The following ALS2 variants were observed in gnomAD, a reference collection of about 807,000 sequenced individuals.
ALS2 encodes alsin.
ALS2 carries 117 observed loss-of-function variants against 203.4 expected under a neutral mutation model. The ratio of observed to expected loss-of-function variants is 0.58; its 90% CI spans 0.50 to 0.67. The LOEUF (loss-of-function observed/expected upper bound fraction) is 0.67, where lower values mean the gene tolerates loss of function less well. Ranked by LOEUF, ALS2 falls within the 30% of genes least tolerant of loss-of-function variation. The probability of loss-of-function intolerance (pLI) is 0.00; values close to 1 mark genes in which losing one functional copy is unlikely to be tolerated. For missense variants in ALS2, 1,715 were observed against 1,989.4 expected, an observed-to-expected ratio of 0.86 and a Z score of 2.62; for synonymous variants, 718 against 725.9, an observed-to-expected ratio of 0.99 and a Z score of 0.17.
At chr2:201,757,847 C>T (rs907520505) in intron 4 of ALS2, 88 bp from the exon 5 acceptor site, 4 of 1,012,756 alleles carry the variant, frequency 3.9e-6, no homozygotes, top group African/African-American at 3.3e-5. Flanking sequence ...ATATCCATCG[C>T]TATTTGCATG....
At chr2:201,710,170 T>C in intron 26 of ALS2, 132 bp from the exon 27 acceptor site, 1 of 980,764 alleles carries the variant, frequency 1.0e-6, no homozygotes, top group Non-Finnish European at 1.5e-6. Context: ...ACCAGGAATA[T>C]TCAAATACTT....
At chr2:201,767,424 C>T in intron 2 of ALS2, 41 bp from the exon 3 acceptor site, 1 of 1,600,210 alleles carries the variant, frequency 6.2e-7, no homozygotes, top group South Asian at 1.1e-5. Context: ...TTCTACAATT[C>T]AGAACAGTAT....
intron 16 of ALS2, 141 bp downstream of exon 16, chr2:201,727,564 C>A: frequency 1.3e-6 from 1 of 769,844 alleles, no homozygotes; most frequent in Non-Finnish European, 2.2e-6. Flanking sequence ...ACTTTACTGT[C>A]TAATGTGCTG....
At chr2:201,734,424 G>A (rs1441061505) in intron 12 of ALS2, among the ~76,000 whole-genome samples, 1 of 150,898 alleles carries the variant, frequency 6.6e-6, no homozygotes, top group Non-Finnish European at 1.5e-5. Context: ...GTAGTGAGCC[G>A]TGGTTGTGCC....
intron 20 of ALS2, 116 bp from the exon 21 acceptor site, chr2:201,724,575 G>T: frequency 1.9e-6 from 2 of 1,067,850 alleles, no homozygotes; most frequent in Non-Finnish European, 2.8e-6. Flanking sequence ...ATAATTATTT[G>T]TTTATATGAT....
At chr2:201,772,583 TATATA>T (rs902134413) in intron 1 of ALS2, among the ~76,000 whole-genome samples, 1 of 152,192 alleles carries the variant, frequency 6.6e-6, no homozygotes, top group African/African-American at 2.4e-5. Flanking sequence ...CAGGAAGTGT[TATATA>T]ATATATAGTT....
chr2:201,726,484 C>T lies in ALS2; in HGVS notation c.3248G>A (p.Gly1083Glu). Reference sequence around the variant, plus strand: ...GTCATGTTTTACACAATTTTCTTACCCATCTTCCAAGCCATTCCTGAACAT... The same window carrying T: ...GTCATGTTTTACACAATTTTCTTACTCATCTTCCAAGCCATTCCTGAACAT... ...SGMFRNGLEDGYGEYRIPNKA... is the reference protein window; with the variant it reads ...SGMFRNGLEDEYGEYRIPNKA... Residue 1083 changes from glycine (G) to glutamate (E), a missense_variant and splice_region_variant, in exon 19 of 34, where the codon GGG (glycine) becomes GAG (glutamate). By Grantham distance (98) the Gly-to-Glu change is moderately conservative (BLOSUM62 -2). Transcript: ENST00000264276. 2 of 1,613,578 alleles carry T rather than the reference C, an allele frequency of 1.2e-6. No homozygotes were observed. Among genetic ancestry groups the T allele is most frequent in the Non-Finnish European group, 1.7e-6 (2 of 1,179,524 alleles).
Position 201,714,289 on chromosome 2 carries a change from T to C in ALS2, c.4004+1383A>G, listed in dbSNP as rs1690227657. Among the ~76,000 whole-genome samples the C allele has an allele frequency of 2.0e-5, 3 of 152,196 alleles. No individual in the cohort carries two copies. The South Asian group carries it at 6.2e-4, about 32-fold the overall frequency. On this transcript the variant is annotated intron_variant, in intron 25 of 33. Transcript: ENST00000264276. ...TCTGCTTTCCTGTAAGCTGGGACTGTGGAATTTGGCAACTGCCAAGCACAG... is the reference window on the plus strand; with the variant it reads ...TCTGCTTTCCTGTAAGCTGGGACTGCGGAATTTGGCAACTGCCAAGCACAG...
chr2:201,704,169 G>A lies in ALS2; in HGVS notation c.4888C>T (p.Pro1630Ser). 2.5e-6 allele frequency: 4 copies of A among 1,614,050 alleles called. No individual in the cohort carries two copies. The highest frequency in any genetic ancestry group is 3.4e-6 in the Non-Finnish European group (4 of 1,179,988). ...EVHLIEDLMD[P>S]YLQHGEQGIM... is the part of the protein sequence containing the mutation. ...CCCTGTTCCCCATGCTGAAGATAGG[G>A]GTCCATTAGATCCTCAATGAGGTGT... The change falls in exon 33 of 34, where the codon CCC (proline) becomes TCC (serine). Residue 1630 changes from proline to serine, a missense_variant. Pro to Ser is a moderately conservative substitution (Grantham distance 74). This residue lies in a region of ALS2 where 1,227 missense variants were observed against 1,413.5 expected (regional missense o/e 0.87). Coordinates refer to ENST00000264276, the MANE Select transcript of ALS2 (RefSeq NM_020919.4).
chr2:201,777,979 T>C (rs1694732758), intron 1 of ALS2, among the ~76,000 whole-genome samples: 1 of 152,206 alleles, frequency 6.6e-6, no homozygotes, highest in Admixed American at 6.5e-5. Context: ...TGCTCTACTT[T>C]ATTGCTCTTT....
intron 1 of ALS2, among the ~76,000 whole-genome samples, chr2:201,772,602 G>A (rs1166553515): frequency 1.3e-5 from 2 of 152,102 alleles, no homozygotes; most frequent in Non-Finnish European, 2.9e-5. Flanking sequence ...TATAGTTTAT[G>A]CATCTTACTC....
chr2:201,770,186 C>T (rs189288213), intron 1 of ALS2, among the ~76,000 whole-genome samples: 5 of 152,266 alleles, frequency 3.3e-5, no homozygotes, highest in Admixed American at 2.6e-4. Context: ...GGAGTTACTA[C>T]GCCCTTGATT....
chr2:201,727,151 T>C, intron 17 of ALS2, 61 bp downstream of exon 17: 2 of 1,382,238 alleles, frequency 1.4e-6, no homozygotes, highest in South Asian at 1.2e-5. Flanking sequence ...TTCTTCTTTA[T>C]TACACAAGAG....
intron 1 of ALS2, among the ~76,000 whole-genome samples, chr2:201,777,532 AAAAT>A (rs1164842860): frequency 2.6e-5 from 4 of 152,176 alleles, no homozygotes; most frequent in South Asian, 2.1e-4. Context: ...TAAAACTGTA[AAAAT>A]AAATAACAAA....
At position 201,768,829 on chromosome 2, in the gene ALS2, C is replaced by T. The variant is rs745997083; in HGVS notation, c.20+37G>A. 5.0e-6 allele frequency: 8 copies of T among 1,604,228 alleles called. No individual in the cohort carries two copies. The East Asian group carries it at 1.8e-4, about 36-fold the overall frequency. On this transcript the variant is annotated intron_variant, in intron 2 of 33. Coordinates refer to ENST00000264276, the MANE Select transcript of ALS2 (RefSeq NM_020919.4). The stretch of plus-strand genomic sequence containing the variant: ...TATGTGAAGCTGTTTGCTATGTTTT[C>T]CTAGGAGGATAAGAGAAAAGGAAGA...
chr2:201,758,049 AAC>A (rs898044855), intron 4 of ALS2, among the ~76,000 whole-genome samples: 2 of 152,312 alleles, frequency 1.3e-5, no homozygotes, highest in African/African-American at 4.8e-5. Context: ...TATAAAATTA[AAC>A]ACAGTAAAAA....
At chr2:201,729,279 A>C in intron 13 of ALS2, 96 bp from the exon 14 acceptor site, 1 of 1,381,866 alleles carries the variant, frequency 7.2e-7, no homozygotes, top group South Asian at 1.3e-5. Context: ...TATAGTATTA[A>C]ATGTAGGAGA....
chr2:201,739,239 A>C (rs1692100225), intron 11 of ALS2, among the ~76,000 whole-genome samples: 2 of 150,088 alleles, frequency 1.3e-5, no homozygotes, highest in Non-Finnish European at 3.0e-5. Flanking sequence ...GTCTCCCAAA[A>C]AAAAAAAAAA....
intron 10 of ALS2, 69 bp downstream of exon 10, chr2:201,744,189 T>G: frequency 6.6e-7 from 1 of 1,510,800 alleles, no homozygotes; most frequent in Admixed American, 1.7e-5. Flanking sequence ...GTTTTCATTA[T>G]TTGTGACATA....
Sources: allele counts gnomAD v4.1 joint callset (sites outside exome capture counted in the v4.1 genomes callset), GRCh38; gene constraint gnomAD v4.1.1; regional missense constraint gnomAD v4.1.1; transcripts MANE v1.5; gene names NCBI Gene and HGNC (gene_info 2026-07-23, HGNC 2026-07-21).